The following UGGT2 variants were observed in gnomAD, a reference collection of about 807,000 sequenced individuals.
The protein encoded by UGGT2 is UDP-glucose:glycoprotein glucosyltransferase 2.
Under a neutral mutation model 192.1 loss-of-function variants are expected in UGGT2, and 180 were observed. The ratio of observed to expected loss-of-function variants is 0.94; its 90% CI spans 0.83 to 1.06. The LOEUF is 1.06. Among genes scored for constraint, UGGT2 ranks in the 50% least tolerant of loss-of-function variants. The pLI, the probability that UGGT2 is intolerant of heterozygous loss-of-function variation, is 0.00. For synonymous variants in UGGT2, 580 were observed against 591.0 expected, an observed-to-expected ratio of 0.98 and a Z score of 0.27; for missense variants, 1,849 against 1,795.7, an observed-to-expected ratio of 1.03 and a Z score of -0.54.
chr13:95,834,652 T>C (rs1887092398), intron 37 of UGGT2, among the ~76,000 whole-genome samples: 1 of 152,172 alleles, frequency 6.6e-6, no homozygotes, highest in Non-Finnish European at 1.5e-5. Flanking sequence ...ACTCTTAGTG[T>C]TTCTATGAGG....
intron 23 of UGGT2, 60 bp from the exon 24 acceptor site, chr13:95,894,717 A>C: frequency 7.3e-7 from 1 of 1,372,964 alleles, no homozygotes; most frequent in South Asian, 1.2e-5. Context: ...ATTTCATGTT[A>C]CAATTAATGC....
intron 7 of UGGT2, among the ~76,000 whole-genome samples, chr13:95,995,684 G>A (rs117181923): frequency 1.9e-3 from 294 of 152,058 alleles, no homozygotes; most frequent in Non-Finnish European, 1.8e-3. Flanking sequence ...AATAAATGAT[G>A]GACTATCCAC....
intron 21 of UGGT2, among the ~76,000 whole-genome samples, chr13:95,902,548 T>C (rs2048136154): frequency 6.6e-6 from 1 of 151,296 alleles, no homozygotes; most frequent in Non-Finnish European, 1.5e-5. Context: ...ACCCCTTCAG[T>C]GAAATACCTG....
rs1197288577 is a variant in UGGT2 at position 95,929,614 on chromosome 13, G to A, written c.1978-2278C>T. 3.3e-5 allele frequency among the ~76,000 whole-genome samples: 5 copies of A among 152,204 alleles called. No homozygotes were observed. The East Asian group carries it at 9.7e-4, about 29-fold the overall frequency. On this transcript the variant is annotated intron_variant, in intron 17 of 38. Coordinates refer to ENST00000376747, the MANE Select transcript of UGGT2 (RefSeq NM_020121.4). Reference sequence around the variant, plus strand: ...AGCTGAGTCCATGTTGCTCCAAAGGGGACGATTTCATTTTTAATGGGTGCG... The same window carrying A: ...AGCTGAGTCCATGTTGCTCCAAAGGAGACGATTTCATTTTTAATGGGTGCG...
At position 95,854,420 on chromosome 13, in the gene UGGT2, T is replaced by G. The variant is rs139312678; in HGVS notation, c.4064A>C (p.Tyr1355Ser). Residue 1355 changes from tyrosine to serine, a missense_variant, in exon 35 of 39, where the codon TAT becomes TCT. By Grantham distance (144) the Tyr-to-Ser change is moderately radical (BLOSUM62 -2). Transcript: ENST00000376747. ...GCTATCACAAAATGGAGTATACCCA[T>G]AAGGAGCTCCATCCAGATCGAAATC... Reference protein sequence around the residue: ...LRDFDLDGAPYGYTPFCDSRR... With the variant: ...LRDFDLDGAPSGYTPFCDSRR... 4.3e-6 allele frequency: 7 copies of G among 1,613,492 alleles called. No individual in the cohort carries two copies. In the African/African-American group the frequency reaches 9.3e-5, roughly 22 times the overall value.
At chr13:96,029,913 C>T (rs764127789) in intron 2 of UGGT2, among the ~76,000 whole-genome samples, 2 of 151,950 alleles carry the variant, frequency 1.3e-5, no homozygotes, top group Non-Finnish European at 2.9e-5. Context: ...GTGAGAGACA[C>T]GAAATTTGGT....
chr13:95,963,005 C>T (rs75158313), intron 12 of UGGT2, among the ~76,000 whole-genome samples: 1,940 of 152,216 alleles, frequency 0.013, 40 homozygotes, highest in African/African-American at 0.045. Context: ...GACTTATTCA[C>T]TATCATGAGA....
intron 27 of UGGT2, among the ~76,000 whole-genome samples, chr13:95,879,431 T>C (rs2140171626): frequency 6.6e-6 from 1 of 152,314 alleles, no homozygotes; most frequent in African/African-American, 2.4e-5. Flanking sequence ...AGCTCATTTA[T>C]TTATTTATTT....
In UGGT2 at chr13:95,891,390, A is replaced by G. The variant is rs186510028; in HGVS notation, c.2856-426T>C. ...TAGTATTTCAAAAAATCAATATACT[A>G]TAACAGGTAAGTTCAGGAACAAAAA... is the stretch of plus-strand genomic sequence containing the variant. On this transcript the variant is annotated intron_variant, in intron 24 of 38. Transcript: ENST00000376747. Among the ~76,000 whole-genome samples the G allele has an allele frequency of 3.9e-5, 6 of 152,284 alleles. No individual in the cohort carries two copies. In the East Asian group the frequency reaches 9.6e-4, roughly 24 times the overall value.
chr13:95,877,324 A>C lies in UGGT2; in HGVS notation c.3428T>G (p.Leu1143Arg). The C allele has an allele frequency of 6.2e-7, 1 of 1,608,272 alleles. No individual in the cohort carries two copies. Among genetic ancestry groups the C allele is most frequent in the Non-Finnish European group, 8.5e-7 (1 of 1,178,102 alleles). The change falls in exon 29 of 39, where the codon CTG becomes CGG. Residue 1143 changes from leucine (L) to arginine (R), a missense_variant. By Grantham distance (102) the Leu-to-Arg change is moderately radical. Transcript: ENST00000376747. Reference sequence around the variant, plus strand: ...TTCAGATTTTCCTTGGTGTAACCTCAGTATCCAAGCACCTGGGTTTGCTTT... The same window carrying C: ...TTCAGATTTTCCTTGGTGTAACCTCCGTATCCAAGCACCTGGGTTTGCTTT... ...QLKANPGAWI[L>R]RLHQGKSEDI...
intron 12 of UGGT2, among the ~76,000 whole-genome samples, chr13:95,967,714 C>T (rs191546919): frequency 1.9e-4 from 29 of 151,974 alleles, no homozygotes; most frequent in Admixed American, 1.2e-3. Flanking sequence ...CCTCATGATC[C>T]GCCCACCTTG....
At chr13:95,851,839 T>C (rs1045434819) in intron 36 of UGGT2, among the ~76,000 whole-genome samples, 23 of 152,186 alleles carry the variant, frequency 1.5e-4, no homozygotes, top group Non-Finnish European at 2.8e-4. Flanking sequence ...TCTTCAGTTG[T>C]CCATAGGCAG....
chr13:95,844,545 C>G (rs757893412), intron 36 of UGGT2, among the ~76,000 whole-genome samples: 20 of 152,208 alleles, frequency 1.3e-4, no homozygotes, highest in Non-Finnish European at 1.0e-4. Flanking sequence ...CTAAGTTTTT[C>G]ATTTTTAAAA....
intron 22 of UGGT2, 76 bp from the exon 23 acceptor site, chr13:95,895,380 T>C: frequency 3.2e-6 from 3 of 936,694 alleles, no homozygotes; most frequent in Non-Finnish European, 4.4e-6. Context: ...CCTCATCAAA[T>C]AGATATTTCT....
intron 28 of UGGT2, 134 bp from the exon 29 acceptor site, chr13:95,877,498 A>T: frequency 2.1e-6 from 2 of 974,156 alleles, no homozygotes; most frequent in Non-Finnish European, 2.9e-6. Context: ...AATTCCAAGT[A>T]AAGAGATTTT....
At chr13:95,839,768 C>T (rs1384890873) in intron 36 of UGGT2, among the ~76,000 whole-genome samples, 1 of 152,112 alleles carries the variant, frequency 6.6e-6, no homozygotes, top group East Asian at 1.9e-4. Context: ...TATCATGGTT[C>T]CATTTTCTCC....
Position 96,031,905 on chromosome 13 carries a change from T to C in UGGT2, c.225A>G (p.Ala75=). The change falls in exon 2 of 39, where the codon GCA becomes GCG. Residue 75 remains alanine (A), a synonymous_variant. Transcript: ENST00000376747. ...WQFLETVQEL[A]IYKQTESDYS... ...ATCACCTACCTGTTTGCTTATAAATTGCTAATTCTTGCACAGTTTCCAAAA... is the reference window on the plus strand; with the variant it reads ...ATCACCTACCTGTTTGCTTATAAATCGCTAATTCTTGCACAGTTTCCAAAA... 6.2e-7 allele frequency: 1 copy of C among 1,609,998 alleles called. No individual in the cohort carries two copies. The highest frequency in any genetic ancestry group is 1.3e-5 in the African/African-American group (1 of 74,946).
rs192248374 is a variant in UGGT2, at chr13:95,908,108, G to C, written c.2296-5048C>G. On this transcript the variant is annotated intron_variant, in intron 20 of 38. Coordinates refer to ENST00000376747, the MANE Select transcript of UGGT2 (RefSeq NM_020121.4). ...TGAGAACTTCGTGACACATGCACAAGCTTCAATAGCAGATTCAATCAAGTG... is the reference window on the plus strand; with the variant it reads ...TGAGAACTTCGTGACACATGCACAACCTTCAATAGCAGATTCAATCAAGTG... 3.1e-3 allele frequency among the ~76,000 whole-genome samples: 466 copies of C among 152,304 alleles called. 5 individuals are homozygous for C. Among genetic ancestry groups the C allele is most frequent in the African/African-American group, 0.011 (449 of 41,560 alleles).
chr13:95,930,684 G>A (rs1467630028), intron 17 of UGGT2, among the ~76,000 whole-genome samples: 3 of 152,162 alleles, frequency 2.0e-5, no homozygotes, highest in Non-Finnish European at 4.4e-5. Context: ...GTGAAGTTGG[G>A]TAATACTGTG....
Sources: gnomAD v4.1 joint callset for allele counts (sites outside exome capture counted in the v4.1 genomes callset) on GRCh38, gnomAD v4.1.1 for gene constraint, MANE v1.5 for transcripts, NCBI Gene and HGNC (gene_info 2026-07-23, HGNC 2026-07-21) for gene names.